KCNH1: variants seen among roughly 807,000 people sequenced by gnomAD.
KCNH1 encodes the protein voltage-gated delayed rectifier potassium channel KCNH1.
Under a neutral mutation model 69.2 loss-of-function variants are expected in KCNH1, and 27 were observed. That is an observed-to-expected ratio of 0.39 (90% CI 0.29 to 0.54). KCNH1 has a LOEUF of 0.54. Ranked by LOEUF, KCNH1 falls within the 20% of genes least tolerant of loss-of-function variation. The pLI is 0.68. For synonymous variants in KCNH1, 456 were observed against 487.7 expected (o/e 0.93, Z 0.86); for missense variants, 798 against 1,261.6 (o/e 0.63, Z 5.57).
At chr1:210,705,736 C>G (rs1480319494) in intron 10 of KCNH1, among the ~76,000 whole-genome samples, 2 of 152,104 alleles carry the variant, frequency 1.3e-5, no homozygotes, top group Non-Finnish European at 2.9e-5. Flanking sequence ...AGCATTTCCC[C>G]CATGCTCTGT....
chr1:210,737,565 C>T (rs1682911065), intron 10 of KCNH1, among the ~76,000 whole-genome samples: 1 of 152,176 alleles, frequency 6.6e-6, no homozygotes, highest in Non-Finnish European at 1.5e-5. Context: ...CTAATGGCTC[C>T]TGAATTTATA....
intron 7 of KCNH1, among the ~76,000 whole-genome samples, chr1:210,895,107 A>G (rs948692433): frequency 6.6e-6 from 1 of 150,932 alleles, no homozygotes; most frequent in Admixed American, 6.6e-5. Flanking sequence ...GATGTCCAGT[A>G]TCTTGAAAGT....
chr1:211,081,202 C>A (rs61848582), intron 5 of KCNH1, among the ~76,000 whole-genome samples: 61,055 of 151,512 alleles, frequency 0.4, 12,763 homozygotes, highest in Admixed American at 0.46. Context: ...ATGCAGCCAA[C>A]AGACACATGA....
chr1:210,687,970 G>A (rs1396705719), intron 10 of KCNH1, among the ~76,000 whole-genome samples: 1 of 152,116 alleles, frequency 6.6e-6, no homozygotes, highest in Admixed American at 6.5e-5. Context: ...GGAGGTCTAG[G>A]GAACAAGTGT....
chr1:211,013,029 A>C (rs1689422931), intron 6 of KCNH1, among the ~76,000 whole-genome samples: 1 of 152,200 alleles, frequency 6.6e-6, no homozygotes, highest in African/African-American at 2.4e-5. Context: ...TTAGAACTCA[A>C]AGGGGAAGAA....
chr1:210,765,519 A>G (rs1488336799), intron 10 of KCNH1, among the ~76,000 whole-genome samples: 1 of 152,230 alleles, frequency 6.6e-6, no homozygotes, highest in Non-Finnish European at 1.5e-5. Context: ...TCTTGGCCTC[A>G]GCACCTAAGT....
intron 6 of KCNH1, among the ~76,000 whole-genome samples, chr1:210,963,408 C>T (rs951746720): frequency 6.6e-6 from 1 of 151,960 alleles, no homozygotes; most frequent in Non-Finnish European, 1.5e-5. Flanking sequence ...TCCTCACCAG[C>T]GAGGGAACAA....
At chr1:210,843,712 A>G (rs1014135745) in intron 7 of KCNH1, among the ~76,000 whole-genome samples, 2 of 152,180 alleles carry the variant, frequency 1.3e-5, no homozygotes, top group South Asian at 2.1e-4. Context: ...ATTAATGTTC[A>G]TTTACTGTCA....
intron 7 of KCNH1, among the ~76,000 whole-genome samples, chr1:210,899,033 T>C (rs767997288): frequency 5.3e-5 from 8 of 152,158 alleles, no homozygotes; most frequent in South Asian, 4.1e-4. Flanking sequence ...AGGTTAACCC[T>C]AAATATCCGA....
chr1:210,940,202 C>T (rs544822028), intron 6 of KCNH1, among the ~76,000 whole-genome samples: 1 of 152,318 alleles, frequency 6.6e-6, no homozygotes, highest in East Asian at 1.9e-4. Context: ...ATTCGGCAAT[C>T]ATTTCCTGAA....
chr1:211,084,360 A>G (rs1690914178), intron 4 of KCNH1, among the ~76,000 whole-genome samples: 1 of 130,448 alleles, frequency 7.7e-6, no homozygotes, highest in Admixed American at 8.3e-5. Context: ...TGTAAACATC[A>G]GCAAGGGCTC....
intron 7 of KCNH1, among the ~76,000 whole-genome samples, chr1:210,845,020 T>C (rs1342375025): frequency 6.6e-6 from 1 of 152,118 alleles, no homozygotes; most frequent in East Asian, 1.9e-4. Flanking sequence ...CTCCCAAGAC[T>C]AAACCAGGAA....
At chr1:210,960,550 A>G (rs1283657656) in intron 6 of KCNH1, among the ~76,000 whole-genome samples, 1 of 152,244 alleles carries the variant, frequency 6.6e-6, no homozygotes, top group East Asian at 1.9e-4. Context: ...TTTAACTCAG[A>G]AAAAGTATTT....
intron 5 of KCNH1, among the ~76,000 whole-genome samples, chr1:211,024,844 C>T (rs922217100): frequency 6.6e-6 from 1 of 151,932 alleles, no homozygotes; most frequent in Non-Finnish European, 1.5e-5. Context: ...CCAACGACTA[C>T]ATTCCATGAG....
intron 7 of KCNH1, among the ~76,000 whole-genome samples, chr1:210,879,080 A>G (rs1686440730): frequency 6.6e-6 from 1 of 152,090 alleles, no homozygotes; most frequent in Non-Finnish European, 1.5e-5. Flanking sequence ...GAAGAAATAA[A>G]CAATCTGAAG....
chr1:210,947,547 C>T (rs1272130407), intron 6 of KCNH1, among the ~76,000 whole-genome samples: 1 of 151,254 alleles, frequency 6.6e-6, no homozygotes, highest in East Asian at 1.9e-4. Context: ...TGCACTCCAA[C>T]CTGGGCAACA....
intron 5 of KCNH1, among the ~76,000 whole-genome samples, chr1:211,046,598 C>T (rs1011041313): frequency 3.3e-5 from 5 of 152,134 alleles, no homozygotes; most frequent in African/African-American, 1.2e-4. Context: ...AGTAACTTGT[C>T]CAAGGCCACA....
chr1:210,862,067 C>G, intron 7 of KCNH1: 1 of 820,168 alleles, frequency 1.2e-6, no homozygotes, highest in Non-Finnish European at 2.2e-6. Context: ...TACTTTTGTG[C>G]TGTTTCTTGA....
rs557933603 is a variant in KCNH1 at position 210,850,488 on chromosome 1, A to T, written c.1463-46322T>A. Among the ~76,000 whole-genome samples the T allele has an allele frequency of 1.5e-4, 23 of 151,834 alleles. 1 individual carries two copies. In the South Asian group the frequency reaches 4.4e-3, roughly 29 times the overall value. ...ATCCTGTCACCGCACTCCAGCCTGG[A>T]TGACAGAGTGAGACTCTGTCTCAAA... On this transcript the variant is annotated intron_variant, in intron 7 of 10. Transcript: ENST00000271751.
Sources: allele counts gnomAD v4.1 joint callset (sites outside exome capture counted in the v4.1 genomes callset), GRCh38; gene constraint gnomAD v4.1.1; transcripts MANE v1.5; gene names NCBI Gene and HGNC (gene_info 2026-07-23, HGNC 2026-07-21).